Variants in NAT8L observed in about 807,000 individuals in gnomAD.
The protein encoded by NAT8L is N-acetylaspartate synthetase.
NAT8L carries 6 observed loss-of-function variants against 21.2 expected under a neutral mutation model. The observed-to-expected ratio is 0.28, with a 90% CI of 0.16 to 0.56. NAT8L has a LOEUF of 0.56. Among genes scored for constraint, NAT8L ranks in the 20% least tolerant of loss-of-function variants. The pLI is 0.93. For synonymous variants in NAT8L, 239 were observed against 204.9 expected, an observed-to-expected ratio of 1.17 and a Z score of -1.42; for missense variants, 331 against 433.3, an observed-to-expected ratio of 0.76 and a Z score of 2.10.
Position 2,064,159 on chromosome 4 carries a change from C to T in NAT8L, c.*32C>T, listed in dbSNP as rs889346270. On this transcript the variant is annotated 3_prime_UTR_variant, in exon 3 of 3. Coordinates refer to ENST00000423729, the MANE Select transcript of NAT8L (RefSeq NM_178557.4). ...CCGCTCGCCCGCCCGCCCCCCCGGC[C>T]GCCCTGTCCGCCTTTGCCCGCCTGC... 59 of 1,423,188 alleles carry T rather than the reference C, an allele frequency of 4.1e-5. No homozygotes were observed. The highest frequency in any genetic ancestry group is 5.2e-5 in the Non-Finnish European group (57 of 1,086,634). The allele number at this position is 1,423,188 out of a possible 1,614,324, so 88.2% of individuals were successfully genotyped here.
rs999724108 is a variant in NAT8L at position 2,063,932 on chromosome 4, G to A, written c.714G>A (p.Val238=). The change falls in exon 3 of 3, where the codon GTG becomes GTA. Residue 238 remains valine (V), a synonymous_variant. Transcript: ENST00000423729. Reference sequence around the variant, plus strand: ...GGAAGGTGCTGGAGTTCGCCGTGGTGCACAACTACTCCGCGGTGGTGCTGG... The same window carrying A: ...GGAAGGTGCTGGAGTTCGCCGTGGTACACAACTACTCCGCGGTGGTGCTGG... The part of the protein sequence containing the change: ...LGRKVLEFAV[V]HNYSAVVLGT... 3 of 1,612,110 alleles carry A rather than the reference G, an allele frequency of 1.9e-6. No homozygotes were observed. In the Admixed American group the frequency reaches 5.0e-5, roughly 27 times the overall value.
At chr4:2,063,424 C>T (rs1033139112) in intron 2 of NAT8L, among the ~76,000 whole-genome samples, 5 of 152,244 alleles carry the variant, frequency 3.3e-5, no homozygotes, top group Non-Finnish European at 7.3e-5. Context: ...AGGAGGGACT[C>T]GGGCCTTTGA....
At position 2,059,723 on chromosome 4, in the gene NAT8L, G is replaced by A. The variant is rs1204734996; in HGVS notation, c.212G>A (p.Gly71Glu). The A allele has an allele frequency of 7.9e-6, 9 of 1,142,608 alleles. No homozygotes were observed. The African/African-American group carries it at 1.3e-4, about 17-fold the overall frequency. 70.8% of individuals were successfully genotyped at this position (1,142,608 alleles called of 1,614,324 possible). ...CCTCACGGCGGGGCGGGGGGCGCGGGGCCGCCGGGGGGGCGCGGCGTGTGC... is the reference window on the plus strand; with the variant it reads ...CCTCACGGCGGGGCGGGGGGCGCGGAGCCGCCGGGGGGGCGCGGCGTGTGC... ...AQPHGGAGGA[G>E]PPGGRGVCIR... The change falls in exon 1 of 3, where the codon GGG becomes GAG. Residue 71 changes from glycine to glutamate, a missense_variant. Gly to Glu is a moderately conservative substitution (Grantham distance 98, BLOSUM62 -2). This residue lies in a region of NAT8L where 199 missense variants were observed against 196.1 expected (regional missense o/e 1.01). Transcript: ENST00000423729. The surrounding 1 kb of genome is among the most constrained non-coding windows in gnomAD (Gnocchi z 4.8).
rs1413025913 is a variant in NAT8L, at chr4:2,060,334, GTCGCAGAGGGC to G, written c.376+448_376+458del. ...GCGCGCGCCTGGCACAGCCGGGGCG[GTCGCAGAGGGC>G]GGCCCCTTCAGCGTCTTTGGGTGCC... On this transcript the variant is annotated intron_variant, in intron 1 of 2. Transcript: ENST00000423729. This position sits in a 1 kb window ranked among gnomAD's most constrained non-coding sequence, Gnocchi z 4.7. Among the ~76,000 whole-genome samples the G allele has an allele frequency of 2.0e-5, 3 of 152,230 alleles. No homozygotes were observed. Among genetic ancestry groups the G allele is most frequent in the Non-Finnish European group, 4.4e-5 (3 of 68,022 alleles).
Position 2,060,218 on chromosome 4 carries a change from G to A in NAT8L, c.376+331G>A, listed in dbSNP as rs1443556918. On this transcript the variant is annotated intron_variant, in intron 1 of 2. Transcript: ENST00000423729. This position sits in a 1 kb window ranked among gnomAD's most constrained non-coding sequence, Gnocchi z 4.7. ...TAGCGCCCGCCGCGGCTGGGCCCCG[G>A]CGAGTGCCTAAATATAATCTGCGGG... Among the ~76,000 whole-genome samples the A allele has an allele frequency of 1.3e-5, 2 of 152,046 alleles. No individual in the cohort carries two copies. Among genetic ancestry groups the A allele is most frequent in the African/African-American group, 2.4e-5 (1 of 41,432 alleles).
rs1450694906 is a variant in NAT8L at position 2,064,213 on chromosome 4, C to T, written c.*86C>T. On this transcript the variant is annotated 3_prime_UTR_variant, in exon 3 of 3. Transcript: ENST00000423729. Reference sequence around the variant, plus strand: ...CCGCCCGGCGCGGCCTGCTTTCAGACGCTCAATTGGCGTTTGTGTTGGGTT... The same window carrying T: ...CCGCCCGGCGCGGCCTGCTTTCAGATGCTCAATTGGCGTTTGTGTTGGGTT... 14 of 987,004 alleles carry T rather than the reference C, an allele frequency of 1.4e-5. No homozygotes were observed. Among genetic ancestry groups the T allele is most frequent in the African/African-American group, 1.8e-5 (1 of 56,782 alleles). 61.1% of individuals were successfully genotyped at this position (987,004 alleles called of 1,614,324 possible).
chr4:2,063,977 G>T lies in NAT8L; in HGVS notation c.759G>T (p.Val253=). 1 of 1,611,746 alleles carries T rather than the reference G, an allele frequency of 6.2e-7. No homozygotes were observed. The change falls in exon 3 of 3, where the codon GTG becomes GTT. Residue 253 remains valine, a synonymous_variant. Coordinates refer to ENST00000423729, the MANE Select transcript of NAT8L (RefSeq NM_178557.4). Reference sequence around the variant, plus strand: ...TGCTGGGCACGACGGCCGTCAAGGTGGCCGCCCACAAGCTCTACGAGTCGC... The same window carrying T: ...TGCTGGGCACGACGGCCGTCAAGGTTGCCGCCCACAAGCTCTACGAGTCGC... ...AVVLGTTAVK[V]AAHKLYESLG...
chr4:2,062,590 G>A (rs894237368), intron 2 of NAT8L, among the ~76,000 whole-genome samples: 1 of 152,098 alleles, frequency 6.6e-6, no homozygotes, highest in Non-Finnish European at 1.5e-5. Flanking sequence ...GCTCGTGTCT[G>A]TGGCGATGGC....
rs1729843733 is a variant in NAT8L, at chr4:2,060,930, C to T, written c.377-68C>T. The T allele has an allele frequency of 6.9e-6, 6 of 873,474 alleles. No individual in the cohort carries two copies. In the South Asian group the frequency reaches 1.1e-4, roughly 17 times the overall value. The allele number at this position is 873,474 out of a possible 1,614,324, so 54.1% of individuals were successfully genotyped here. The stretch of plus-strand genomic sequence containing the variant: ...CGGGCGCGGCGTCCCTAGCGGGCTT[C>T]GCCGGGGTGGCGTCTCTGGGGCCTG... On this transcript the variant is annotated intron_variant, in intron 1 of 2. Coordinates refer to ENST00000423729, the MANE Select transcript of NAT8L (RefSeq NM_178557.4). The surrounding 1 kb of genome is among the most constrained non-coding windows in gnomAD (Gnocchi z 4.7).
chr4:2,061,214 G>C (rs767961381), intron 2 of NAT8L, 52 bp downstream of exon 2: 4 of 1,604,828 alleles, frequency 2.5e-6, no homozygotes, highest in Non-Finnish European at 3.4e-6. Context: ...AGCCCTCGGG[G>C]GCACGCACTC....
Position 2,059,623 on chromosome 4 carries a change from AT to A in NAT8L, c.113del (p.Met38SerfsTer94). 1 of 971,428 alleles carries A rather than the reference AT, an allele frequency of 1.0e-6. No homozygotes were observed. Among genetic ancestry groups the A allele is most frequent in the Non-Finnish European group, 1.2e-6 (1 of 822,828 alleles). The allele number at this position is 971,428 out of a possible 1,614,324, so 60.2% of individuals were successfully genotyped here. A position where few individuals can be genotyped will look rare whatever the true frequency, so the allele number is the denominator to read the frequency against. On this transcript the variant is annotated frameshift_variant, in exon 1 of 3. Transcript: ENST00000423729. LOFTEE classifies it high-confidence loss of function. This position sits in a 1 kb window ranked among gnomAD's most constrained non-coding sequence, Gnocchi z 4.8. ...CGCGCTGCTCGCCGCCGCCGGCGCCATGTGGCCCCCGCTGCCCGCCGCGCCC... is the reference window on the plus strand; with the variant it reads ...CGCGCTGCTCGCCGCCGCCGGCGCCAGTGGCCCCCGCTGCCCGCCGCGCCC... Reference protein sequence around the residue: ...KDALLAAAGAMWPPLPAAPGP... With the variant: ...KDALLAAAGAXWPPLPAAPGP...
rs1278293708 is a variant in NAT8L, at chr4:2,068,593, T to C, written c.*4466T>C. On this transcript the variant is annotated 3_prime_UTR_variant, in exon 3 of 3. Coordinates refer to ENST00000423729, the MANE Select transcript of NAT8L (RefSeq NM_178557.4). The stretch of plus-strand genomic sequence containing the variant: ...GCATGCACATGTGTATGGATGCATA[T>C]GTGAGCTGTACATGTAGAGTGTACA... The C allele has an allele frequency of 1.3e-5, 2 of 152,232 alleles. No homozygotes were observed. The highest frequency in any genetic ancestry group is 1.3e-4 in the Admixed American group (2 of 15,276). The allele number at this position is 152,232 out of a possible 1,614,324, so 9.4% of individuals were successfully genotyped here. A position where few individuals can be genotyped will look rare whatever the true frequency, so the allele number is the denominator to read the frequency against.
chr4:2,065,068 G>C lies in NAT8L; in HGVS notation c.*941G>C, dbSNP rs1729970195. The C allele has an allele frequency of 6.6e-6, 1 of 152,584 alleles. No individual in the cohort carries two copies. Among genetic ancestry groups the C allele is most frequent in the African/African-American group, 2.4e-5 (1 of 41,470 alleles). 9.5% of individuals were successfully genotyped at this position (152,584 alleles called of 1,614,324 possible). A position where few individuals can be genotyped will look rare whatever the true frequency, so the allele number is the denominator to read the frequency against. On this transcript the variant is annotated 3_prime_UTR_variant, in exon 3 of 3. Transcript: ENST00000423729. ...CTGAAACCAACACATTTTCTAATAAGTTATTTAGACAGAATAGCACTCTGC... is the reference window on the plus strand; with the variant it reads ...CTGAAACCAACACATTTTCTAATAACTTATTTAGACAGAATAGCACTCTGC...
At chr4:2,061,240 AGGCCTGGGCGAGGGCCGGCGTGGGTG>A in intron 2 of NAT8L, 78 bp downstream of exon 2, 1 of 1,584,838 alleles carries the variant, frequency 6.3e-7, no homozygotes, top group Non-Finnish European at 8.6e-7. Flanking sequence ...ACCTCAGGGC[AGGCCTGGGCGAGGGCCGGCGTGGGTG>A]GGCCTGAGCC....
rs1267118534 is a variant in NAT8L, at chr4:2,063,830, G to C, written c.612G>C (p.Glu204Asp). 11 of 1,612,420 alleles carry C rather than the reference G, an allele frequency of 6.8e-6. No homozygotes were observed. The highest frequency in any genetic ancestry group is 9.3e-6 in the Non-Finnish European group (11 of 1,179,962). The part of the protein sequence containing the change: ...VGIVAARAHE[E>D]DNTVELLRMS... Reference sequence around the variant, plus strand: ...TTGTGGCTGCACGGGCCCACGAGGAGGACAACACGGTGGAGCTGCTGCGGA... The same window carrying C: ...TTGTGGCTGCACGGGCCCACGAGGACGACAACACGGTGGAGCTGCTGCGGA... Residue 204 changes from glutamate to aspartate, a missense_variant, in exon 3 of 3, where the codon GAG becomes GAC. Physicochemically the swap from Glu to Asp is conservative, Grantham distance 45. This residue lies in a region of NAT8L where 132 missense variants were observed against 237.1 expected (regional missense o/e 0.56). Coordinates refer to ENST00000423729, the MANE Select transcript of NAT8L (RefSeq NM_178557.4).
rs1577668416 is a variant in NAT8L at position 2,064,312 on chromosome 4, T to C, written c.*185T>C. The C allele has an allele frequency of 7.3e-6, 2 of 272,518 alleles. No homozygotes were observed. Among genetic ancestry groups the C allele is most frequent in the Admixed American group, 5.8e-5 (1 of 17,258 alleles). 16.9% of individuals were successfully genotyped at this position (272,518 alleles called of 1,614,324 possible). ...GGGCTGTTGTTCTTCGGCGACACTT[T>C]GGTGGGGGTGGGTTGTTTGTCGCCA... is the stretch of plus-strand genomic sequence containing the variant. On this transcript the variant is annotated 3_prime_UTR_variant, in exon 3 of 3. Coordinates refer to ENST00000423729, the MANE Select transcript of NAT8L (RefSeq NM_178557.4).
intron 2 of NAT8L, among the ~76,000 whole-genome samples, chr4:2,062,628 C>G (rs435051): frequency 0.78 from 117,758 of 151,910 alleles, 47,382 homozygotes; most frequent in Non-Finnish European, 0.88. Flanking sequence ...CCCCCCCACG[C>G]TGCTTCTCCT....
rs1280232592 is a variant in NAT8L, at chr4:2,059,706, C to G, written c.195C>G (p.Gly65=). Residue 65 remains glycine (G), a synonymous_variant, in exon 1 of 3, where the codon GGC becomes GGG. Transcript: ENST00000423729. This position sits in a 1 kb window ranked among gnomAD's most constrained non-coding sequence, Gnocchi z 4.8. ...CTGCCCCGGTGGCTCAGCCTCACGG[C>G]GGGGCGGGGGGCGCGGGGCCGCCGG... is the stretch of plus-strand genomic sequence containing the variant. ...PPPAPVAQPH[G]GAGGAGPPGG... 7.4e-6 allele frequency: 8 copies of G among 1,079,776 alleles called. No homozygotes were observed. The highest frequency in any genetic ancestry group is 9.0e-6 in the Non-Finnish European group (8 of 893,550). 66.9% of individuals were successfully genotyped at this position (1,079,776 alleles called of 1,614,324 possible).
Position 2,063,865 on chromosome 4 carries a change from A to G in NAT8L, c.647A>G (p.Asp216Gly). 2 of 1,612,420 alleles carry G rather than the reference A, an allele frequency of 1.2e-6. No homozygotes were observed. The highest frequency in any genetic ancestry group is 1.7e-6 in the Non-Finnish European group (2 of 1,179,946). Residue 216 changes from aspartate (D) to glycine (G), a missense_variant, in exon 3 of 3, where the codon GAC (aspartate) becomes GGC (glycine). Physicochemically the swap from Asp to Gly is moderately conservative, Grantham distance 94 (BLOSUM62 -1). This residue lies in a region of NAT8L where 132 missense variants were observed against 237.1 expected (regional missense o/e 0.56). Transcript: ENST00000423729. ...GTGGAGCTGCTGCGGATGTCTGTGG[A>G]CTCACGTTTCCGAGGCAAGGGCATC... ...NTVELLRMSV[D>G]SRFRGKGIAK...
Sources: gnomAD v4.1 joint callset for allele counts (sites outside exome capture counted in the v4.1 genomes callset) on GRCh38, gnomAD v4.1.1 for gene constraint, gnomAD v4.1.1 regional missense constraint, Gnocchi (gnomAD v3.1) non-coding constraint, MANE v1.5 for transcripts, NCBI Gene and HGNC (gene_info 2026-07-23, HGNC 2026-07-21) for gene names.